Variants in ZNF385D observed in about 807,000 individuals in gnomAD.
ZNF385D encodes the protein zinc finger protein 385D, also known as zinc finger protein 659.
A neutral mutation model predicts 35.8 loss-of-function variants in ZNF385D; 15 were observed. The observed-to-expected ratio is 0.42, with a 90% confidence interval of 0.28 to 0.64. The LOEUF is 0.64. Ranked by LOEUF, ZNF385D falls within the 30% of genes least tolerant of loss-of-function variation. The pLI is 0.23. For synonymous variants in ZNF385D, 212 were observed against 186.8 expected (o/e 1.13, Z -1.10); for missense variants, 474 against 494.6 (o/e 0.96, Z 0.39).
At chr3:21,599,029 G>GTGAC (rs1273734568) in intron 2 of ZNF385D, among the ~76,000 whole-genome samples, 2 of 152,176 alleles carry the variant, frequency 1.3e-5, no homozygotes, top group African/African-American at 4.8e-5. Context: ...TAAAACAGTA[G>GTGAC]TGACTTCCAA....
At chr3:22,089,291 C>T (rs1456596478) in intron 3 of ZNF385D, among the ~76,000 whole-genome samples, 1 of 152,090 alleles carries the variant, frequency 6.6e-6, no homozygotes, top group African/African-American at 2.4e-5. Context: ...AAATATAATC[C>T]TAATATAGCA....
chr3:21,821,495 A>G (rs1176127612), intron 3 of ZNF385D, among the ~76,000 whole-genome samples: 1 of 152,224 alleles, frequency 6.6e-6, no homozygotes, highest in Non-Finnish European at 1.5e-5. Context: ...ATGTAATGTA[A>G]AATCTATTTA....
At chr3:21,642,197 C>G (rs1012610559) in intron 2 of ZNF385D, among the ~76,000 whole-genome samples, 1 of 152,122 alleles carries the variant, frequency 6.6e-6, no homozygotes. Flanking sequence ...ATATGTAAAT[C>G]AGACACTGCT....
chr3:22,188,703 G>C (rs980071184), intron 2 of ZNF385D, among the ~76,000 whole-genome samples: 1 of 152,132 alleles, frequency 6.6e-6, no homozygotes, highest in East Asian at 1.9e-4. Context: ...GCCTGTCTCA[G>C]ACTCCCAAAG....
Position 22,302,543 on chromosome 3 carries a change from A to G in ZNF385D, c.106+69907T>C, listed in dbSNP as rs550289292. On this transcript the variant is annotated intron_variant, in intron 2 of 5. Coordinates refer to the ZNF385D transcript ENST00000494108. ...AGTGTAAACAGTACAGTATTATAACACTTACTCTAGATTTGCAAACTCTTT... is the reference window on the plus strand; with the variant it reads ...AGTGTAAACAGTACAGTATTATAACGCTTACTCTAGATTTGCAAACTCTTT... 1.3e-3 allele frequency among the ~76,000 whole-genome samples: 198 copies of G among 152,056 alleles called. 1 individual carries two copies. Among genetic ancestry groups the G allele is most frequent in the African/African-American group, 3.6e-3 (148 of 41,530 alleles).
chr3:22,064,561 A>T (rs186679260), intron 3 of ZNF385D, among the ~76,000 whole-genome samples: 201 of 152,338 alleles, frequency 1.3e-3, no homozygotes, highest in Non-Finnish European at 2.6e-3. Flanking sequence ...AGATGAACAG[A>T]TAAAGAAAAT....
chr3:21,767,848 T>C (rs184518622), intron 3 of ZNF385D, among the ~76,000 whole-genome samples: 4 of 152,216 alleles, frequency 2.6e-5, no homozygotes, highest in Admixed American at 6.6e-5. Flanking sequence ...AATTTCTTTA[T>C]AATAATAAAG....
intron 2 of ZNF385D, among the ~76,000 whole-genome samples, chr3:22,337,907 G>C (rs769445430): frequency 6.6e-6 from 1 of 152,168 alleles, no homozygotes; most frequent in Non-Finnish European, 1.5e-5. Flanking sequence ...AAAGAGAGTG[G>C]TGGACCCTTT....
intron 4 of ZNF385D, among the ~76,000 whole-genome samples, chr3:21,509,113 T>C (rs1206979998): frequency 6.6e-6 from 1 of 152,090 alleles, no homozygotes; most frequent in Non-Finnish European, 1.5e-5. Context: ...CACACATATA[T>C]ATATTTTTAA....
At chr3:21,832,157 CA>C (rs1467874102) in intron 3 of ZNF385D, among the ~76,000 whole-genome samples, 1 of 152,076 alleles carries the variant, frequency 6.6e-6, no homozygotes, top group Non-Finnish European at 1.5e-5. Context: ...ACAAATTTTA[CA>C]ATACTCACTA....
chr3:22,158,144 C>T (rs1705712296), intron 3 of ZNF385D, among the ~76,000 whole-genome samples: 1 of 152,104 alleles, frequency 6.6e-6, no homozygotes, highest in Non-Finnish European at 1.5e-5. Flanking sequence ...CACTTTCTGA[C>T]ATCTCCGGTT....
Position 21,480,006 on chromosome 3 carries a change from T to C in ZNF385D, c.439+30855A>G, listed in dbSNP as rs1048005421. Among the ~76,000 whole-genome samples the C allele has an allele frequency of 2.0e-5, 3 of 152,130 alleles. No homozygotes were observed. In the East Asian group the frequency reaches 5.8e-4, roughly 29 times the overall value. The stretch of plus-strand genomic sequence containing the variant: ...TCTGCTTTTTAAATACACTTTACAT[T>C]AGTATCATTTCCCCATATTAAAACA... On this transcript the variant is annotated intron_variant, in intron 4 of 7. Transcript: ENST00000281523.
chr3:21,604,475 A>T (rs1481399161), intron 2 of ZNF385D, among the ~76,000 whole-genome samples: 2 of 152,228 alleles, frequency 1.3e-5, no homozygotes, highest in African/African-American at 4.8e-5. Context: ...CTATGCTAAG[A>T]GGAATACTTA....
chr3:22,038,493 G>A (rs1698470798), intron 3 of ZNF385D, among the ~76,000 whole-genome samples: 1 of 152,048 alleles, frequency 6.6e-6, no homozygotes, highest in South Asian at 2.1e-4. Flanking sequence ...CTGGAGCAGA[G>A]GTAGCATTGG....
At chr3:21,906,759 T>G (rs762464488) in intron 3 of ZNF385D, among the ~76,000 whole-genome samples, 24 of 152,166 alleles carry the variant, frequency 1.6e-4, no homozygotes, top group Non-Finnish European at 3.1e-4. Context: ...GGCCCTTGCC[T>G]GTCTGCCATA....
intron 3 of ZNF385D, among the ~76,000 whole-genome samples, chr3:21,557,005 G>T (rs529326833): frequency 1.3e-3 from 196 of 152,190 alleles, no homozygotes; most frequent in African/African-American, 4.5e-3. Flanking sequence ...TTGTGATTTT[G>T]GCACATTGAT....
intron 2 of ZNF385D, among the ~76,000 whole-genome samples, chr3:22,250,119 T>C (rs1019156443): frequency 2.0e-5 from 3 of 152,118 alleles, no homozygotes; most frequent in Non-Finnish European, 2.9e-5. Context: ...AAGCCAAAGA[T>C]GTGGTAAACT....
intron 3 of ZNF385D, among the ~76,000 whole-genome samples, chr3:21,883,648 C>A (rs259558): frequency 0.13 from 19,556 of 152,002 alleles, 1,549 homozygotes; most frequent in Middle Eastern, 0.17. Flanking sequence ...ATGAGAAATG[C>A]GTTTTGTTGA....
intron 3 of ZNF385D, among the ~76,000 whole-genome samples, chr3:22,139,746 C>G (rs1360758724): frequency 6.6e-6 from 1 of 151,546 alleles, no homozygotes; most frequent in Non-Finnish European, 1.5e-5. Flanking sequence ...GCACATGTAC[C>G]CTAAAACTTA....
Sources: allele counts gnomAD v4.1 joint callset (sites outside exome capture counted in the v4.1 genomes callset), GRCh38; gene constraint gnomAD v4.1.1; transcripts MANE v1.5; gene names NCBI Gene and HGNC (gene_info 2026-07-23, HGNC 2026-07-21).